Variants in NEXN observed in about 807,000 individuals in gnomAD.
NEXN encodes the protein nexilin F-actin binding protein.
A neutral mutation model predicts 92.6 loss-of-function variants in NEXN; 65 were observed. The observed-to-expected ratio is 0.70, with a 90% CI of 0.57 to 0.86. The LOEUF is 0.86. Among genes scored for constraint, NEXN ranks in the 40% least tolerant of loss-of-function variants. NEXN has a pLI of 0.00. For missense variants in NEXN, 778 were observed against 771.1 expected (o/e 1.01, Z -0.11); for synonymous variants, 254 against 242.5 (o/e 1.05, Z -0.44).
intron 10 of NEXN, among the ~76,000 whole-genome samples, chr1:77,935,317 C>T (rs1418718414): frequency 7.2e-5 from 11 of 152,124 alleles, no homozygotes; most frequent in East Asian, 5.8e-4. Context: ...GGATTACAGG[C>T]GTGAGCCACT....
At chr1:77,900,862 T>G (rs569584281) in intron 1 of NEXN, among the ~76,000 whole-genome samples, 116 of 152,258 alleles carry the variant, frequency 7.6e-4, no homozygotes, top group African/African-American at 2.7e-3. Flanking sequence ...TGGAGCTGAA[T>G]TGTTGGGTTG....
intron 1 of NEXN, among the ~76,000 whole-genome samples, chr1:77,895,050 TTTTTTTTTTTTTG>T: frequency 9.3e-6 from 1 of 107,376 alleles, no homozygotes; most frequent in African/African-American, 3.6e-5. Context: ...TTTTTTTTTT[TTTTTTTTTTTTTG>T]AGATGGAGTC....
rs1204370547 is a variant in NEXN, at chr1:77,917,617, G to C, written c.79G>C (p.Gly27Arg). The change falls in exon 3 of 13, where the codon GGC (glycine) becomes CGC (arginine). Residue 27 changes from glycine to arginine, a missense_variant. Transcript: ENST00000334785. Reference protein sequence around the residue: ...PVPKTYVPKLGKGDVKDKFEA... With the variant: ...PVPKTYVPKLRKGDVKDKFEA... ...CCCAAAAACCTATGTACCAAAACTT[G>C]GCAAGGGTGATGTAAAGGATAAGTT... 6.2e-7 allele frequency: 1 copy of C among 1,613,304 alleles called. No homozygotes were observed. Among genetic ancestry groups the C allele is most frequent in the African/African-American group, 1.3e-5 (1 of 74,918 alleles).
chr1:77,940,742 G>A (rs146645030), intron 11 of NEXN, among the ~76,000 whole-genome samples: 112 of 152,290 alleles, frequency 7.4e-4, no homozygotes, highest in African/African-American at 2.5e-3. Context: ...CTGTTGAGAT[G>A]AAACTACAGT....
chr1:77,900,343 T>C (rs1243071888), intron 1 of NEXN, among the ~76,000 whole-genome samples: 1 of 152,196 alleles, frequency 6.6e-6, no homozygotes, highest in Non-Finnish European at 1.5e-5. Context: ...AACCATACCA[T>C]AGTCTTTTCC....
chr1:77,907,919 A>G (rs1422407645), intron 1 of NEXN, among the ~76,000 whole-genome samples: 1 of 152,198 alleles, frequency 6.6e-6, no homozygotes, highest in East Asian at 1.9e-4. Flanking sequence ...CATGATTCCA[A>G]GTTTTCCTCA....
chr1:77,891,694 C>T (rs1647107916), intron 1 of NEXN, among the ~76,000 whole-genome samples: 1 of 139,434 alleles, frequency 7.2e-6, no homozygotes, highest in Non-Finnish European at 1.5e-5. Flanking sequence ...GTCAAAAAGT[C>T]GACAGTCAAA....
rs758670807 is a variant in NEXN, at chr1:77,917,548, T to A, written c.28-18T>A. 6.3e-6 allele frequency: 10 copies of A among 1,589,562 alleles called. No individual in the cohort carries two copies. Among genetic ancestry groups the A allele is most frequent in the South Asian group, 2.2e-5 (2 of 89,934 alleles). On this transcript the variant is annotated intron_variant, in intron 2 of 12. Transcript: ENST00000334785. Reference sequence around the variant, plus strand: ...TCTTTTTCGTTAACTTTCTTTTTTTTATTTTCTTCTAATGAAGATTCTGCT... The same window carrying A: ...TCTTTTTCGTTAACTTTCTTTTTTTAATTTTCTTCTAATGAAGATTCTGCT...
At chr1:77,939,935 G>A (rs534266629) in intron 11 of NEXN, among the ~76,000 whole-genome samples, 4 of 152,112 alleles carry the variant, frequency 2.6e-5, no homozygotes, top group Non-Finnish European at 5.9e-5. Context: ...TTAGCCGGGC[G>A]TGGTGGCAGA....
At chr1:77,917,013 A>T (rs1325679077) in intron 2 of NEXN, among the ~76,000 whole-genome samples, 1 of 152,336 alleles carries the variant, frequency 6.6e-6, no homozygotes, top group East Asian at 1.9e-4. Flanking sequence ...TTGTGCACAC[A>T]GACCACGGTG....
At chr1:77,900,220 T>C (rs1234421498) in intron 1 of NEXN, among the ~76,000 whole-genome samples, 1 of 152,198 alleles carries the variant, frequency 6.6e-6, no homozygotes, top group African/African-American at 2.4e-5. Flanking sequence ...TCTGGTTCTT[T>C]TTCCTGGATG....
intron 1 of NEXN, among the ~76,000 whole-genome samples, chr1:77,903,875 T>C (rs1329682819): frequency 6.6e-6 from 1 of 152,110 alleles, no homozygotes; most frequent in Non-Finnish European, 1.5e-5. Flanking sequence ...CTGTGAGCTG[T>C]GATTGCACCA....
rs766654578 is a variant in NEXN at position 77,926,506 on chromosome 1, AGAACGT to A, written c.586_591del (p.Arg196_Glu197del). ...AAAAGAATTTTGAGGATCTAGAAAA[AGAACGT>A]GAAGAGAAAGAAAGGATCAAGTACG... On this transcript the variant is annotated inframe_deletion, in exon 7 of 13. Transcript: ENST00000334785. 6.2e-6 allele frequency: 10 copies of A among 1,611,824 alleles called. No individual in the cohort carries two copies. The highest frequency in any genetic ancestry group is 7.6e-6 in the Non-Finnish European group (9 of 1,179,280).
chr1:77,933,451 T>G lies in NEXN; in HGVS notation c.1223T>G (p.Phe408Cys), dbSNP rs367768452. ...KHKLEMEKQE[F>C]EQLRQEMGEE... ...AAGCTAGAAATGGAGAAACAAGAATTTGAACAACTGAGACAGGAAATGGGA... is the reference window on the plus strand; with the variant it reads ...AAGCTAGAAATGGAGAAACAAGAATGTGAACAACTGAGACAGGAAATGGGA... Residue 408 changes from phenylalanine to cysteine, a missense_variant, in exon 10 of 13, where the codon TTT becomes TGT. Transcript: ENST00000334785. 3 of 1,612,590 alleles carry G rather than the reference T, an allele frequency of 1.9e-6. No individual in the cohort carries two copies. The highest frequency in any genetic ancestry group is 2.5e-6 in the Non-Finnish European group (3 of 1,179,060).
At chr1:77,911,484 T>A (rs1038164413) in intron 1 of NEXN, among the ~76,000 whole-genome samples, 2 of 151,612 alleles carry the variant, frequency 1.3e-5, no homozygotes, top group South Asian at 4.2e-4. Flanking sequence ...CCCAGCTACT[T>A]GGGAGGCTGA....
At chr1:77,915,299 C>T (rs572856395) in intron 1 of NEXN, among the ~76,000 whole-genome samples, 4 of 151,852 alleles carry the variant, frequency 2.6e-5, no homozygotes, top group South Asian at 4.2e-4. Flanking sequence ...GGTGACACAG[C>T]GAGATGCTGT....
At chr1:77,923,864 G>GAC (rs976499726) in intron 5 of NEXN, among the ~76,000 whole-genome samples, 17 of 151,758 alleles carry the variant, frequency 1.1e-4, no homozygotes, top group Non-Finnish European at 1.6e-4. Context: ...TTTTAGTAGA[G>GAC]ACGGGGTTTC....
At chr1:77,889,978 C>T (rs1388778184) in intron 1 of NEXN, among the ~76,000 whole-genome samples, 1 of 152,064 alleles carries the variant, frequency 6.6e-6, no homozygotes, top group African/African-American at 2.4e-5. Flanking sequence ...ACATAATTTC[C>T]CCCGCTAAAC....
chr1:77,894,276 T>C (rs1647171728), intron 1 of NEXN, among the ~76,000 whole-genome samples: 1 of 152,024 alleles, frequency 6.6e-6, no homozygotes, highest in Admixed American at 6.6e-5. Context: ...TGGTTTTCGG[T>C]GAGGAATTGT....
Sources: gnomAD v4.1 joint callset for allele counts (sites outside exome capture counted in the v4.1 genomes callset) on GRCh38, gnomAD v4.1.1 for gene constraint, MANE v1.5 for transcripts, NCBI Gene and HGNC (gene_info 2026-07-23, HGNC 2026-07-21) for gene names.